Variants in CLEC20A observed in about 807,000 individuals in gnomAD.
CLEC20A encodes the protein C-type lectin domain containing 20A.
rs1649201107 is a variant in CLEC20A, at chr1:178,488,491, C to T, written c.928+10G>A. ...AGACCCAGATCCAGCCAAGGGCAGGCTCAAAGCACCTCTGCCTGGCCTGGG... is the reference window on the plus strand; with the variant it reads ...AGACCCAGATCCAGCCAAGGGCAGGTTCAAAGCACCTCTGCCTGGCCTGGG... On this transcript the variant is annotated intron_variant, in intron 5 of 7. Transcript: ENST00000623247. 2.5e-6 allele frequency: 1 copy of T among 398,666 alleles called. No individual in the cohort carries two copies. Among genetic ancestry groups the T allele is most frequent in the Admixed American group, 4.4e-5 (1 of 22,728 alleles). The allele number at this position is 398,666 out of a possible 1,614,324, so 24.7% of individuals were successfully genotyped here. A position where few individuals can be genotyped will look rare whatever the true frequency, so the allele number is the denominator to read the frequency against.
exon 4 of CLEC20A, chr1:178,490,245 G>T (rs1178023510): frequency 2.5e-6 from 1 of 398,728 alleles, no homozygotes. Context: ...TCCGGAGTTT[G>T]CATTGAGGTA....
exon 8 of CLEC20A, chr1:178,479,309 A>T (rs1179711289): frequency 2.9e-6 from 1 of 346,016 alleles, no homozygotes; most frequent in Non-Finnish European, 5.2e-6. Flanking sequence ...TCCCAACATG[A>T]TTGTTCCCAA....
intron 6 of CLEC20A, 95 bp from the exon 7 acceptor site, chr1:178,482,492 C>T (rs772833167): frequency 1.3e-4 from 50 of 397,086 alleles, no homozygotes; most frequent in Middle Eastern, 6.2e-4. Flanking sequence ...ACCATAGATG[C>T]TACATGTTGA....
upstream of CLEC20A, chr1:178,497,048 T>G (rs1649415009): frequency 2.5e-6 from 1 of 398,918 alleles, no homozygotes; most frequent in Admixed American, 4.4e-5. Flanking sequence ...GGCCTTTCAT[T>G]CCTTGCTGTT....
chr1:178,491,529 A>G (rs143795400), intron 3 of CLEC20A, among the ~76,000 whole-genome samples: 1 of 152,080 alleles, frequency 6.6e-6, no homozygotes, highest in African/African-American at 2.4e-5. Flanking sequence ...TGAAAACCCC[A>G]CTACCATCCT....
At chr1:178,482,548 C>T in intron 6 of CLEC20A, 151 bp from the exon 7 acceptor site, 2 of 395,572 alleles carry the variant, frequency 5.1e-6, no homozygotes, top group Non-Finnish European at 8.9e-6. Flanking sequence ...CAGAAGAATG[C>T]TCAGCCACAA....
upstream of CLEC20A, among the ~76,000 whole-genome samples, chr1:178,498,785 C>CT (rs1241801209): frequency 6.6e-6 from 1 of 152,126 alleles, no homozygotes; most frequent in Non-Finnish European, 1.5e-5. Flanking sequence ...GGAAGGCTCT[C>CT]TTTTTTCCTA....
chr1:178,487,301 AG>A (rs1318571565), intron 5 of CLEC20A, among the ~76,000 whole-genome samples: 1 of 152,216 alleles, frequency 6.6e-6, no homozygotes, highest in African/African-American at 2.4e-5. Context: ...ATGAGAAGAC[AG>A]GCTGTTACCC....
downstream of CLEC20A, chr1:178,478,969 A>AT (rs1648863508): frequency 6.6e-6 from 1 of 152,238 alleles, no homozygotes; most frequent in South Asian, 2.1e-4. Context: ...TTCTTCTAAA[A>AT]ATATATTTTA....
intron 3 of CLEC20A, among the ~76,000 whole-genome samples, chr1:178,491,796 C>T (rs1242629373): frequency 6.6e-6 from 1 of 152,098 alleles, no homozygotes; most frequent in African/African-American, 2.4e-5. Flanking sequence ...TGCAGTAATA[C>T]CAGAGGGGAC....
At chr1:178,497,549 T>C (rs1649428896), upstream of CLEC20A, among the ~76,000 whole-genome samples, 1 of 152,186 alleles carries the variant, frequency 6.6e-6, no homozygotes, top group Non-Finnish European at 1.5e-5. Context: ...CCACTCAGTC[T>C]ATTCACATTA....
intron 5 of CLEC20A, chr1:178,483,742 A>T (rs1000303604): frequency 6.5e-6 from 1 of 152,788 alleles, no homozygotes; most frequent in African/African-American, 2.4e-5. Context: ...ATGGCTGGCC[A>T]TGCCCGGAGG....
intron 1 of CLEC20A, chr1:178,496,601 G>A (rs914026786): frequency 2.8e-5 from 10 of 355,802 alleles, no homozygotes; most frequent in Admixed American, 9.4e-5. Flanking sequence ...CTTCTGAAGT[G>A]ACCTGCGCGG....
At chr1:178,478,984 T>G (rs1051409646), downstream of CLEC20A, 45 of 152,310 alleles carry the variant, frequency 3.0e-4, no homozygotes, top group African/African-American at 1.0e-3. Flanking sequence ...ATTTTAACAT[T>G]AAGAACAGTC....
chr1:178,492,021 T>A (rs1490969106), intron 3 of CLEC20A, among the ~76,000 whole-genome samples: 3 of 152,110 alleles, frequency 2.0e-5, no homozygotes, highest in Admixed American at 2.0e-4. Context: ...CGGTGGCTCA[T>A]ACCTGTAATC....
upstream of CLEC20A, among the ~76,000 whole-genome samples, chr1:178,499,328 G>C (rs1402223639): frequency 2.6e-5 from 4 of 152,228 alleles, no homozygotes; most frequent in African/African-American, 9.6e-5. Context: ...GTGTCGACTT[G>C]ATTGGATTGA....
chr1:178,499,186 T>A (rs772948692), upstream of CLEC20A, among the ~76,000 whole-genome samples: 1 of 152,236 alleles, frequency 6.6e-6, no homozygotes, highest in Non-Finnish European at 1.5e-5. Flanking sequence ...CGTGCCTTCC[T>A]GACTGTGAGC....
chr1:178,484,171 A>G (rs1308239453), intron 5 of CLEC20A: 2 of 152,210 alleles, frequency 1.3e-5, no homozygotes, highest in Admixed American at 6.5e-5. Context: ...GAAGGTGCAT[A>G]TATATGTGTG....
At chr1:178,499,286 T>C (rs970843269), upstream of CLEC20A, among the ~76,000 whole-genome samples, 7 of 152,244 alleles carry the variant, frequency 4.6e-5, no homozygotes, top group Middle Eastern at 3.2e-3. Context: ...AGCATTATGT[T>C]TATCATTAGT....
Sources: allele counts gnomAD v4.1 joint callset (sites outside exome capture counted in the v4.1 genomes callset), GRCh38; gene constraint gnomAD v4.1.1; transcripts MANE v1.5; gene names NCBI Gene and HGNC (gene_info 2026-07-23, HGNC 2026-07-21).